ANK3: variants seen among roughly 807,000 people sequenced by gnomAD.
ANK3 encodes the protein ankyrin 3, also known as ankyrin-3.
A neutral mutation model predicts 370.9 loss-of-function variants in ANK3; 57 were observed. That is an observed-to-expected ratio of 0.15 (90% CI 0.12 to 0.19). The LOEUF is 0.19. ANK3 is among the 10% of genes least tolerant of loss of function. The pLI is 1.00. For missense variants in ANK3, 4,439 were observed against 5,302.1 expected (o/e 0.84, Z 5.06); for synonymous variants, 1,929 against 1,946.3 (o/e 0.99, Z 0.23).
At chr10:60,357,849 C>A (rs760468040) in intron 1 of ANK3, among the ~76,000 whole-genome samples, 1 of 152,132 alleles carries the variant, frequency 6.6e-6, no homozygotes, top group Non-Finnish European at 1.5e-5. Context: ...CCTTCTGAAT[C>A]TGTTCCAGGC....
At chr10:60,547,399 T>C (rs1181935787) in intron 2 of ANK3, among the ~76,000 whole-genome samples, 1 of 151,784 alleles carries the variant, frequency 6.6e-6, no homozygotes, top group Non-Finnish European at 1.5e-5. Context: ...TCCTTTTCTT[T>C]TTTCTTTTCT....
intron 1 of ANK3, among the ~76,000 whole-genome samples, chr10:60,732,392 T>C (rs981310112): frequency 3.9e-5 from 6 of 152,208 alleles, no homozygotes; most frequent in Admixed American, 2.6e-4. Context: ...CCAAAATTGC[T>C]ATTAAACGCC....
At chr10:60,579,896 T>C (rs1650890394) in intron 2 of ANK3, among the ~76,000 whole-genome samples, 1 of 152,166 alleles carries the variant, frequency 6.6e-6, no homozygotes, top group Non-Finnish European at 1.5e-5. Flanking sequence ...GTAAAATGAT[T>C]CAGAAAATCC....
rs138021696 is a variant in ANK3 at position 60,183,545 on chromosome 10, T to C, written c.2086-2118A>G. On this transcript the variant is annotated intron_variant, in intron 17 of 43. Transcript: ENST00000280772. The stretch of plus-strand genomic sequence containing the variant: ...TACCTGTTAATCTTTTATGGCATTT[T>C]GATCATTGCTCATTTTAAAAATAGC... Among the ~76,000 whole-genome samples, 93 of 152,304 alleles carry C rather than the reference T, an allele frequency of 6.1e-4. 1 individual carries two copies. The East Asian group carries it at 0.018, about 29-fold the overall frequency.
intron 2 of ANK3, among the ~76,000 whole-genome samples, chr10:60,428,188 G>C (rs2063932139): frequency 1.3e-5 from 2 of 152,092 alleles, no homozygotes; most frequent in Admixed American, 6.6e-5. Flanking sequence ...GACCTGTATG[G>C]GTCATCACTG....
At chr10:60,468,563 A>T (rs2065063370) in intron 2 of ANK3, among the ~76,000 whole-genome samples, 1 of 151,778 alleles carries the variant, frequency 6.6e-6, no homozygotes, top group South Asian at 2.1e-4. Flanking sequence ...TCCAACCAAA[A>T]TTTTTCCCTG....
chr10:60,676,237 T>C (rs1007917827), intron 1 of ANK3, among the ~76,000 whole-genome samples: 1 of 152,188 alleles, frequency 6.6e-6, no homozygotes, highest in Admixed American at 6.5e-5. Flanking sequence ...CAGTAGATAA[T>C]TCTTGCAAGT....
chr10:60,515,693 G>A (rs1001578890), intron 2 of ANK3, among the ~76,000 whole-genome samples: 1 of 152,090 alleles, frequency 6.6e-6, no homozygotes, highest in African/African-American at 2.4e-5. Flanking sequence ...ACCAGGGTTC[G>A]TGGTTACAGC....
At chr10:60,307,315 A>G (rs2045358990) in intron 1 of ANK3, among the ~76,000 whole-genome samples, 1 of 151,994 alleles carries the variant, frequency 6.6e-6, no homozygotes, top group African/African-American at 2.4e-5. Flanking sequence ...TCGTGGCCTC[A>G]TGATATAGTT....
At chr10:60,705,506 T>A (rs930765557) in intron 1 of ANK3, among the ~76,000 whole-genome samples, 1 of 152,220 alleles carries the variant, frequency 6.6e-6, no homozygotes, top group Non-Finnish European at 1.5e-5. Flanking sequence ...TAAGTTATGA[T>A]GAAACTAACT....
intron 7 of ANK3, among the ~76,000 whole-genome samples, 166 bp from the exon 8 acceptor site, chr10:60,234,952 G>T (rs2097305984): frequency 6.6e-6 from 1 of 152,164 alleles, no homozygotes; most frequent in Non-Finnish European, 1.5e-5. Context: ...TTCAGAAGGA[G>T]ACTTTAAAAA....
At chr10:60,687,928 G>A (rs964223611) in intron 1 of ANK3, among the ~76,000 whole-genome samples, 2 of 152,128 alleles carry the variant, frequency 1.3e-5, no homozygotes, top group African/African-American at 4.8e-5. Context: ...TGGGCCTGGA[G>A]GATATTATGC....
intron 1 of ANK3, among the ~76,000 whole-genome samples, chr10:60,348,285 A>C (rs1002414280): frequency 2.8e-5 from 4 of 142,754 alleles, no homozygotes; most frequent in African/African-American, 1.0e-4. Context: ...GCTGGGATGT[A>C]GGGTTTTAAT....
intron 2 of ANK3, among the ~76,000 whole-genome samples, chr10:60,489,943 C>T (rs1183592095): frequency 6.6e-6 from 1 of 152,146 alleles, no homozygotes; most frequent in Admixed American, 6.5e-5. Context: ...AGGGAACAGG[C>T]CATAACAAAC....
At position 60,069,487 on chromosome 10, in the gene ANK3, C is replaced by T. The variant is rs1003865488; in HGVS notation, c.11394G>A (p.Gln3798=). The change falls in exon 37 of 44, where the codon CAG becomes CAA. Residue 3798 remains glutamine, a synonymous_variant. Coordinates refer to ENST00000280772, the MANE Select transcript of ANK3 (RefSeq NM_020987.5). ...CTATATTACTCATAATGTTATCTGT[C>T]TGTATAGTGGAAGAATCCAAATTGT... ...NNNNLDSSTI[Q]TDNIMSNIVL... is the part of the protein sequence containing the mutation. 25 of 1,613,698 alleles carry T rather than the reference C, an allele frequency of 1.5e-5. No homozygotes were observed. Among genetic ancestry groups the T allele is most frequent in the Non-Finnish European group, 2.0e-5 (24 of 1,179,898 alleles).
At chr10:60,675,940 G>GA (rs57094152) in intron 1 of ANK3, among the ~76,000 whole-genome samples, 27 of 146,762 alleles carry the variant, frequency 1.8e-4, no homozygotes, top group East Asian at 1.4e-3. Context: ...ATTGGAGAAT[G>GA]AAAAAAAAAA....
At chr10:60,214,080 A>G (rs1336800625) in intron 8 of ANK3, among the ~76,000 whole-genome samples, 1 of 152,190 alleles carries the variant, frequency 6.6e-6, no homozygotes, top group Non-Finnish European at 1.5e-5. Flanking sequence ...TTATTTGAAT[A>G]TAACCAATCA....
chr10:60,303,270 C>T (rs1487262957), intron 1 of ANK3, among the ~76,000 whole-genome samples: 1 of 151,998 alleles, frequency 6.6e-6, no homozygotes, highest in Non-Finnish European at 1.5e-5. Flanking sequence ...AATGAACCAG[C>T]AACTTAGGAT....
chr10:60,172,280 G>A, intron 21 of ANK3, 28 bp downstream of exon 21: 2 of 1,582,120 alleles, frequency 1.3e-6, no homozygotes, highest in Non-Finnish European at 1.7e-6. Flanking sequence ...GGCTCCTAGG[G>A]TAACAAGGTT....
Sources: allele counts gnomAD v4.1 joint callset (sites outside exome capture counted in the v4.1 genomes callset), GRCh38; gene constraint gnomAD v4.1.1; transcripts MANE v1.5; gene names NCBI Gene and HGNC (gene_info 2026-07-23, HGNC 2026-07-21).